Variants in NRXN3 observed in about 807,000 individuals in gnomAD.
NRXN3 encodes the protein neurexin 3.
In NRXN3, 32 loss-of-function variants were observed where a neutral mutation model predicts 137.6. The ratio of observed to expected loss-of-function variants is 0.23; its 90% confidence interval spans 0.18 to 0.31. The LOEUF is 0.31. Ranked by LOEUF, NRXN3 falls within the 10% of genes least tolerant of loss-of-function variation. NRXN3 has a pLI of 1.00. For synonymous variants in NRXN3, 798 were observed against 784.5 expected (o/e 1.02, Z -0.29); for missense variants, 1,574 against 2,062.5 (o/e 0.76, Z 4.59).
chr14:78,585,154 T>G, intron 4 of NRXN3, among the ~76,000 whole-genome samples: 1 of 148,868 alleles, frequency 6.7e-6, no homozygotes. Flanking sequence ...GGGGGGTGAT[T>G]AATTTATGTA....
intron 3 of NRXN3, among the ~76,000 whole-genome samples, chr14:78,294,794 G>C (rs1315102126): frequency 2.0e-5 from 3 of 152,140 alleles, no homozygotes; most frequent in African/African-American, 7.2e-5. Flanking sequence ...ATCACTGTCA[G>C]GTATGAGTAT....
intron 4 of NRXN3, among the ~76,000 whole-genome samples, chr14:78,638,451 G>A (rs866095998): frequency 6.6e-6 from 1 of 152,178 alleles, no homozygotes; most frequent in Admixed American, 6.5e-5. Flanking sequence ...TACATTGTAA[G>A]GGAAATGAGA....
chr14:79,333,432 A>G (rs1212533763), intron 15 of NRXN3, among the ~76,000 whole-genome samples: 1 of 152,136 alleles, frequency 6.6e-6, no homozygotes, highest in South Asian at 2.1e-4. Flanking sequence ...TAGCAGTTCT[A>G]TTGCAATTAC....
intron 15 of NRXN3, among the ~76,000 whole-genome samples, chr14:79,141,838 C>A (rs1596412665): frequency 6.6e-6 from 1 of 152,162 alleles, no homozygotes; most frequent in Non-Finnish European, 1.5e-5. Context: ...TTCTAAATAG[C>A]CTCTGTTGGT....
intron 4 of NRXN3, among the ~76,000 whole-genome samples, chr14:78,379,845 A>C (rs2088701666): frequency 6.6e-6 from 1 of 152,232 alleles, no homozygotes; most frequent in Non-Finnish European, 1.5e-5. Flanking sequence ...AAATCCCAAG[A>C]AATCTACCAT....
At chr14:78,316,605 T>G (rs1181166806) in intron 4 of NRXN3, among the ~76,000 whole-genome samples, 1 of 152,184 alleles carries the variant, frequency 6.6e-6, no homozygotes, top group Non-Finnish European at 1.5e-5. Context: ...AAGAGAATTT[T>G]GGTGAGACAT....
intron 4 of NRXN3, among the ~76,000 whole-genome samples, chr14:78,409,831 G>C (rs1355860416): frequency 1.3e-5 from 2 of 152,152 alleles, no homozygotes; most frequent in African/African-American, 4.8e-5. Context: ...ATAAGTGACA[G>C]GAAAACCCAA....
chr14:79,086,901 G>A (rs751400305), intron 15 of NRXN3, among the ~76,000 whole-genome samples: 5 of 152,182 alleles, frequency 3.3e-5, no homozygotes, highest in Non-Finnish European at 5.9e-5. Context: ...ATTTGAATGG[G>A]AATTGGTAAA....
At chr14:79,796,596 A>T (rs532282128) in intron 19 of NRXN3, among the ~76,000 whole-genome samples, 13 of 152,302 alleles carry the variant, frequency 8.5e-5, no homozygotes, top group Non-Finnish European at 1.6e-4. Flanking sequence ...GGTAGAAATA[A>T]AGGATCCCAA....
intron 15 of NRXN3, among the ~76,000 whole-genome samples, chr14:79,060,202 A>G (rs186218618): frequency 2.8e-4 from 42 of 152,352 alleles, no homozygotes; most frequent in African/African-American, 9.6e-4. Context: ...TGGAGGAGAG[A>G]ATCTTTAGTG....
intron 10 of NRXN3, among the ~76,000 whole-genome samples, chr14:78,951,592 A>G (rs1206729141): frequency 6.6e-6 from 1 of 151,930 alleles, no homozygotes; most frequent in Admixed American, 6.6e-5. Context: ...ACAGAACTCA[A>G]CCCTATCTAA....
chr14:79,538,851 G>A (rs765948391), intron 16 of NRXN3, among the ~76,000 whole-genome samples: 3 of 152,124 alleles, frequency 2.0e-5, no homozygotes, highest in Non-Finnish European at 4.4e-5. Context: ...TTATAATGTC[G>A]AATTCCTCTG....
chr14:79,391,048 C>T (rs1210064740), intron 15 of NRXN3, among the ~76,000 whole-genome samples: 2 of 152,028 alleles, frequency 1.3e-5, no homozygotes, highest in Non-Finnish European at 2.9e-5. Context: ...TCCCAGGCTC[C>T]AGAATTTCGA....
intron 16 of NRXN3, among the ~76,000 whole-genome samples, chr14:79,509,295 T>C (rs934746981): frequency 6.6e-6 from 1 of 152,082 alleles, no homozygotes; most frequent in African/African-American, 2.4e-5. Flanking sequence ...TCACTTGAGA[T>C]CAGGAGTTTG....
At chr14:79,677,197 T>C (rs184298574) in intron 17 of NRXN3, among the ~76,000 whole-genome samples, 1 of 152,158 alleles carries the variant, frequency 6.6e-6, no homozygotes, top group Non-Finnish European at 1.5e-5. Flanking sequence ...GTACGATGAC[T>C]CTTTATTGGT....
At position 79,225,240 on chromosome 14, in the gene NRXN3, G is replaced by A. The variant is rs564608984; in HGVS notation, c.3262+237099G>A. On this transcript the variant is annotated intron_variant, in intron 15 of 20. Transcript: ENST00000335750. ...AAGGCACTTTAATGGACTGAGATAG[G>A]TTGGACAGGTTCTGTTTGAAAAAAT... 3.8e-4 allele frequency among the ~76,000 whole-genome samples: 58 copies of A among 152,282 alleles called. 1 individual carries two copies. Among genetic ancestry groups the A allele is most frequent in the African/African-American group, 1.4e-3 (57 of 41,556 alleles).
chr14:79,502,464 A>G (rs1490276381), intron 16 of NRXN3, among the ~76,000 whole-genome samples: 1 of 152,114 alleles, frequency 6.6e-6, no homozygotes, highest in East Asian at 1.9e-4. Context: ...TTCATAAGAA[A>G]AAACAAGAGA....
chr14:79,279,980 C>A, intron 15 of NRXN3: 1 of 1,157,824 alleles, frequency 8.6e-7, no homozygotes, highest in Non-Finnish European at 1.1e-6. Flanking sequence ...GAAGCCGCGC[C>A]GGTCTTCCCC....
intron 15 of NRXN3, among the ~76,000 whole-genome samples, chr14:79,185,744 C>T (rs1403483425): frequency 2.6e-5 from 4 of 152,110 alleles, no homozygotes; most frequent in East Asian, 1.9e-4. Context: ...GGATTACAGG[C>T]GTGAGCCACC....
Sources: allele counts gnomAD v4.1 joint callset (sites outside exome capture counted in the v4.1 genomes callset), GRCh38; gene constraint gnomAD v4.1.1; transcripts MANE v1.5; gene names NCBI Gene and HGNC (gene_info 2026-07-23, HGNC 2026-07-21).